TRPC5: variants seen among roughly 807,000 people sequenced by gnomAD.
TRPC5 encodes the protein transient receptor potential cation channel subfamily C member 5, also known as short transient receptor potential channel 5.
Under a neutral mutation model 56.5 loss-of-function variants are expected in TRPC5, and 9 were observed. The observed-to-expected ratio is 0.16, with a 90% CI of 0.10 to 0.28. The LOEUF is 0.28. Ranked by LOEUF, TRPC5 falls within the 10% of genes least tolerant of loss-of-function variation. The pLI is 1.00. For synonymous variants in TRPC5, 282 were observed against 278.5 expected, an observed-to-expected ratio of 1.01 and a Z score of -0.13; for missense variants, 469 against 748.9, an observed-to-expected ratio of 0.63 and a Z score of 4.36.
intron 5 of TRPC5, among the ~76,000 whole-genome samples, chrX:111,850,158 G>A (rs1392208323): frequency 1.8e-5 from 2 of 111,069 alleles, no homozygotes; most frequent in Non-Finnish European, 3.8e-5. Context: ...ACACATGGAA[G>A]CGAAGCAGTG....
chrX:111,798,293 T>C lies in TRPC5; in HGVS notation c.1897-16155A>G, dbSNP rs1459501734. Among the ~76,000 whole-genome samples the C allele has an allele frequency of 1.3e-4, 15 of 112,333 alleles. No individual in the cohort carries two copies. In the East Asian group the frequency reaches 4.2e-3, roughly 31 times the overall value. ...ATACTATACTACTATAATAATTTTGTAGCCACCTCCTGTTGCCATTGTGGT... is the reference window on the plus strand; with the variant it reads ...ATACTATACTACTATAATAATTTTGCAGCCACCTCCTGTTGCCATTGTGGT... On this transcript the variant is annotated intron_variant, in intron 7 of 10. Coordinates refer to ENST00000262839, the MANE Select transcript of TRPC5 (RefSeq NM_012471.3).
intron 7 of TRPC5, among the ~76,000 whole-genome samples, chrX:111,822,310 C>T (rs1050281025): frequency 9.0e-5 from 10 of 111,705 alleles, no homozygotes; most frequent in African/African-American, 2.9e-4. Context: ...GAGTCCTAAG[C>T]GACCTATTCA....
intron 7 of TRPC5, among the ~76,000 whole-genome samples, chrX:111,794,729 TG>T (rs913668988): frequency 4.5e-5 from 5 of 111,102 alleles, no homozygotes; most frequent in Admixed American, 9.6e-5. Flanking sequence ...TAACCTCATA[TG>T]GTGAAGCAAA....
intron 7 of TRPC5, among the ~76,000 whole-genome samples, chrX:111,817,451 C>T (rs1921895409): frequency 9.2e-6 from 1 of 108,620 alleles, no homozygotes; most frequent in Non-Finnish European, 1.9e-5. Context: ...TTCGGCCTCC[C>T]AGTAGCTGGG....
chrX:111,994,221 A>G (rs997743188), intron 1 of TRPC5, among the ~76,000 whole-genome samples: 3 of 110,966 alleles, frequency 2.7e-5, no homozygotes, highest in Non-Finnish European at 5.7e-5. Context: ...GTAGATGTGT[A>G]GTATTATTTC....
At chrX:111,784,194 C>G (rs1048618927) in intron 7 of TRPC5, among the ~76,000 whole-genome samples, 8 of 111,627 alleles carry the variant, frequency 7.2e-5, no homozygotes, top group Non-Finnish European at 1.5e-4. Flanking sequence ...CTATAAAACT[C>G]TAATAGGAAA....
Position 111,853,849 on chromosome X carries a change from C to T in TRPC5, c.1158G>A (p.Gln386=), listed in dbSNP as rs145854460. 14 of 1,210,272 alleles carry T rather than the reference C, an allele frequency of 1.2e-5. No homozygotes were observed. The highest frequency in any genetic ancestry group is 1.6e-5 in the Non-Finnish European group (14 of 895,300). Residue 386 remains glutamine (Q), a synonymous_variant, in exon 4 of 11, where the codon CAG becomes CAA. Coordinates refer to ENST00000262839, the MANE Select transcript of TRPC5 (RefSeq NM_012471.3). Reference sequence around the variant, plus strand: ...CATGAAGGTCTGTCCTGACAATGTGCTGAGAAGCCAGGAGAAGCATAAAGA... The same window carrying T: ...CATGAAGGTCTGTCCTGACAATGTGTTGAGAAGCCAGGAGAAGCATAAAGA... ...TFLFMLLLAS[Q]HIVRTDLHVQ...
chrX:111,990,339 AC>A (rs200461834), intron 1 of TRPC5, among the ~76,000 whole-genome samples: 8,513 of 110,881 alleles, frequency 0.077, 333 homozygotes, highest in Non-Finnish European at 0.11. Flanking sequence ...AATCACTTGA[AC>A]CCAGGAGGCA....
intron 1 of TRPC5, among the ~76,000 whole-genome samples, chrX:112,060,865 G>A (rs955883942): frequency 3.6e-5 from 4 of 112,286 alleles, no homozygotes; most frequent in African/African-American, 1.3e-4. Context: ...TTGAACTCAC[G>A]CCTCTACAGT....
chrX:112,059,432 A>G (rs1188027688), intron 1 of TRPC5, among the ~76,000 whole-genome samples: 1 of 112,166 alleles, frequency 8.9e-6, no homozygotes, highest in African/African-American at 3.2e-5. Context: ...TCTCTGCCAC[A>G]TGACGCAGTT....
intron 7 of TRPC5, among the ~76,000 whole-genome samples, chrX:111,802,841 T>C (rs1256124772): frequency 9.0e-6 from 1 of 111,541 alleles, no homozygotes; most frequent in African/African-American, 3.3e-5. Flanking sequence ...TATCTATATC[T>C]TTATTTATTT....
At chrX:111,989,553 T>G (rs1459802099) in intron 1 of TRPC5, among the ~76,000 whole-genome samples, 1 of 112,086 alleles carries the variant, frequency 8.9e-6, no homozygotes, top group Non-Finnish European at 1.9e-5. Flanking sequence ...GCCTAACTCA[T>G]TCAAGATAAC....
chrX:111,800,238 T>C (rs1222965166), intron 7 of TRPC5, among the ~76,000 whole-genome samples: 2 of 111,710 alleles, frequency 1.8e-5, no homozygotes, highest in Non-Finnish European at 3.8e-5. Flanking sequence ...GTGAAGATAA[T>C]AAGGATGAAG....
intron 1 of TRPC5, among the ~76,000 whole-genome samples, chrX:111,996,050 T>C (rs1928519975): frequency 9.0e-6 from 1 of 111,049 alleles, no homozygotes; most frequent in East Asian, 2.8e-4. Context: ...TGCTCTTGCT[T>C]CTCTAGTTCT....
Position 112,023,246 on chromosome X carries a change from G to GTTTTT in TRPC5, c.-22+58628_-22+58632dup, listed in dbSNP as rs1163231468. Among the ~76,000 whole-genome samples, 55 of 56,699 alleles carry GTTTTT rather than the reference G, an allele frequency of 9.7e-4. 2 individuals carry two copies. Among genetic ancestry groups the GTTTTT allele is most frequent in the Non-Finnish European group, 1.3e-3 (42 of 31,578 alleles). 49.2% of individuals were successfully genotyped at this position (56,699 alleles called of 115,157 possible). ...ACTGCGCCCAGCAGTTTTTTTTTTT[G>GTTTTT]TTTTTTTTTTTTTTTTTTTTTTTTT... On this transcript the variant is annotated intron_variant, in intron 1 of 10. Transcript: ENST00000262839.
At chrX:111,972,801 G>A (rs1927820083) in intron 1 of TRPC5, among the ~76,000 whole-genome samples, 1 of 112,100 alleles carries the variant, frequency 8.9e-6, no homozygotes, top group Non-Finnish European at 1.9e-5. Flanking sequence ...AAACCCCCTT[G>A]TCTTTAGAAA....
intron 9 of TRPC5, among the ~76,000 whole-genome samples, 163 bp from the exon 10 acceptor site, chrX:111,779,237 A>G (rs752100445): frequency 8.9e-6 from 1 of 112,045 alleles, no homozygotes; most frequent in African/African-American, 3.2e-5. Context: ...CCATTGGCTA[A>G]ACAACTATTG....
At chrX:111,919,416 C>T (rs1235899142) in intron 2 of TRPC5, among the ~76,000 whole-genome samples, 1 of 112,046 alleles carries the variant, frequency 8.9e-6, no homozygotes, top group Non-Finnish European at 1.9e-5. Context: ...AATTATGCTG[C>T]TGCTCACTCT....
chrX:111,982,708 G>T (rs1196758292), intron 1 of TRPC5, among the ~76,000 whole-genome samples: 2 of 111,452 alleles, frequency 1.8e-5, no homozygotes, highest in Non-Finnish European at 3.8e-5. Context: ...AGTCAATGGA[G>T]TTGTTGTTAT....
Sources: allele counts gnomAD v4.1 joint callset (sites outside exome capture counted in the v4.1 genomes callset), GRCh38; gene constraint gnomAD v4.1.1; transcripts MANE v1.5; gene names NCBI Gene and HGNC (gene_info 2026-07-23, HGNC 2026-07-21).